Variants in MAP3K20 observed in about 807,000 individuals in gnomAD.
MAP3K20 encodes the protein HCCS-4.
MAP3K20 carries 40 observed loss-of-function variants against 85.7 expected under a neutral mutation model. The ratio of observed to expected loss-of-function variants is 0.47; its 90% confidence interval spans 0.36 to 0.61. The LOEUF (loss-of-function observed/expected upper bound fraction) is 0.61. Ranked by LOEUF, MAP3K20 falls within the 20% of genes least tolerant of loss-of-function variation. The pLI is 0.00. For synonymous variants in MAP3K20, 325 were observed against 327.7 expected, an observed-to-expected ratio of 0.99 and a Z score of 0.09; for missense variants, 817 against 961.7, an observed-to-expected ratio of 0.85 and a Z score of 1.99.
chr2:173,095,081 G>A (rs1687421022), intron 2 of MAP3K20, among the ~76,000 whole-genome samples: 1 of 152,100 alleles, frequency 6.6e-6, no homozygotes, highest in Admixed American at 6.6e-5. Context: ...ATTCATTCAT[G>A]TATTTATTGT....
At chr2:173,194,438 A>AT (rs1172335941) in intron 7 of MAP3K20, among the ~76,000 whole-genome samples, 1 of 152,070 alleles carries the variant, frequency 6.6e-6, no homozygotes, top group Non-Finnish European at 1.5e-5. Flanking sequence ...AACCACAGGT[A>AT]TTTTTTTAAT....
intron 16 of MAP3K20, among the ~76,000 whole-genome samples, chr2:173,244,906 TC>T (rs1684879062): frequency 1.3e-5 from 2 of 152,102 alleles, no homozygotes; most frequent in African/African-American, 4.8e-5. Context: ...CACCCCCACC[TC>T]CATGACCGGA....
chr2:173,222,339 G>A (rs1684275588), intron 11 of MAP3K20: 1 of 985,904 alleles, frequency 1.0e-6, no homozygotes, highest in Non-Finnish European at 1.2e-6. Context: ...GAGCACAGCT[G>A]CTCAAAGTAA....
At chr2:173,206,662 A>T (rs1008941870) in intron 9 of MAP3K20, among the ~76,000 whole-genome samples, 1 of 152,184 alleles carries the variant, frequency 6.6e-6, no homozygotes, top group Non-Finnish European at 1.5e-5. Context: ...TCTGGGCCTT[A>T]CCTGGTACAG....
At chr2:173,086,657 AG>A (rs1394674652) in intron 1 of MAP3K20, among the ~76,000 whole-genome samples, 1 of 152,226 alleles carries the variant, frequency 6.6e-6, no homozygotes, top group East Asian at 1.9e-4. Flanking sequence ...CCTCCTGTCA[AG>A]TGGTGAAATC....
chr2:173,097,991 A>G (rs1687511909), intron 2 of MAP3K20, among the ~76,000 whole-genome samples: 1 of 152,188 alleles, frequency 6.6e-6, no homozygotes, highest in Non-Finnish European at 1.5e-5. Context: ...TTCTGTTGCT[A>G]ACTTTTTATT....
chr2:173,209,004 C>T (rs1046784059), intron 9 of MAP3K20, among the ~76,000 whole-genome samples: 1 of 152,172 alleles, frequency 6.6e-6, no homozygotes, highest in African/African-American at 2.4e-5. Context: ...AGTGTCTTAG[C>T]ACTAAAGCTA....
chr2:173,222,684 A>C, intron 11 of MAP3K20: 1 of 985,362 alleles, frequency 1.0e-6, no homozygotes, highest in Non-Finnish European at 1.2e-6. Context: ...AATAGTAAAG[A>C]TAAGTTATCC....
chr2:173,239,213 A>G (rs1684723142), intron 15 of MAP3K20, among the ~76,000 whole-genome samples, 191 bp from the exon 16 acceptor site: 1 of 152,212 alleles, frequency 6.6e-6, no homozygotes, highest in African/African-American at 2.4e-5. Flanking sequence ...ATCATTTGGC[A>G]AAGTCCTGAA....
chr2:173,239,773 G>A (rs930050903), intron 16 of MAP3K20, among the ~76,000 whole-genome samples: 2 of 152,104 alleles, frequency 1.3e-5, no homozygotes, highest in South Asian at 4.1e-4. Flanking sequence ...GGGGGGCCGT[G>A]GATACCAGAC....
intron 11 of MAP3K20, chr2:173,222,532 CA>C: frequency 2.0e-6 from 2 of 985,670 alleles, no homozygotes; most frequent in Non-Finnish European, 2.4e-6. Flanking sequence ...GGGATGCTTC[CA>C]GGGGGGTGAG....
chr2:173,107,460 C>T (rs909346044), intron 2 of MAP3K20, among the ~76,000 whole-genome samples: 5 of 152,190 alleles, frequency 3.3e-5, no homozygotes, highest in African/African-American at 9.6e-5. Context: ...CAGCCGGAGC[C>T]GGTTGTCTTG....
At chr2:173,251,984 T>TAG (rs923676584) in intron 16 of MAP3K20, among the ~76,000 whole-genome samples, 17 of 151,134 alleles carry the variant, frequency 1.1e-4, no homozygotes, top group Middle Eastern at 3.2e-3. Context: ...TAGGGAAAAA[T>TAG]AGAGAGAGAG....
chr2:173,127,618 T>G (rs1688479570), intron 2 of MAP3K20, among the ~76,000 whole-genome samples: 2 of 152,204 alleles, frequency 1.3e-5, no homozygotes, highest in Non-Finnish European at 2.9e-5. Context: ...GGAGAAGCCT[T>G]TTAAAAAATT....
rs566382488 is a variant in MAP3K20 at position 173,188,419 on chromosome 2, A to G, written c.415+796A>G. Among the ~76,000 whole-genome samples, 3 of 152,280 alleles carry G rather than the reference A, an allele frequency of 2.0e-5. No individual in the cohort carries two copies. In the East Asian group the frequency reaches 5.8e-4, roughly 29 times the overall value. On this transcript the variant is annotated intron_variant, in intron 5 of 19. Coordinates refer to ENST00000375213, the MANE Select transcript of MAP3K20 (RefSeq NM_016653.3). ...AATTAATTATTTACATGCTTTCTAA[A>G]TGCTCCTTCTCAGTAAGGAGGAAGC...
chr2:173,210,261 G>C (rs1683842406), intron 10 of MAP3K20: 1 of 167,486 alleles, frequency 6.0e-6, no homozygotes, highest in Admixed American at 5.9e-5. Flanking sequence ...GCTGAGGCAG[G>C]AGAATCACTT....
intron 9 of MAP3K20, among the ~76,000 whole-genome samples, chr2:173,207,906 T>TCTTGG (rs1683743043): frequency 6.6e-6 from 1 of 152,172 alleles, no homozygotes; most frequent in African/African-American, 2.4e-5. Context: ...TGATAACCTC[T>TCTTGG]ATCCAAGAGT....
In MAP3K20 at chr2:173,217,181, G is replaced by A. The variant is rs765018553; in HGVS notation, c.918G>A (p.Gln306=). The change falls in exon 11 of 20, where the codon CAG becomes CAA. Residue 306 remains glutamine (Q), a synonymous_variant. Transcript: ENST00000375213. ...AGCGTGATCTCAGCTTTAAGGAGCAGGAGCTTAAAGAACGAGAAAGACGTT... is the reference window on the plus strand; with the variant it reads ...AGCGTGATCTCAGCTTTAAGGAGCAAGAGCTTAAAGAACGAGAAAGACGTT... The part of the protein sequence containing the change: ...KLERDLSFKE[Q]ELKERERRLK... The A allele has an allele frequency of 6.2e-7, 1 of 1,608,056 alleles. No homozygotes were observed. The highest frequency in any genetic ancestry group is 1.7e-4 in the Middle Eastern group (1 of 6,044).
intron 14 of MAP3K20, among the ~76,000 whole-genome samples, chr2:173,234,269 T>C (rs1684594527): frequency 6.6e-6 from 1 of 152,150 alleles, no homozygotes; most frequent in African/African-American, 2.4e-5. Context: ...TTTCCAAGGG[T>C]GGCCCTGGAT....
Sources: allele counts gnomAD v4.1 joint callset (sites outside exome capture counted in the v4.1 genomes callset), GRCh38; gene constraint gnomAD v4.1.1; transcripts MANE v1.5; gene names NCBI Gene and HGNC (gene_info 2026-07-23, HGNC 2026-07-21).